Variants in FAM107B observed in about 807,000 individuals in gnomAD.
The protein encoded by FAM107B is family with sequence similarity 107 member B.
A neutral mutation model predicts 31.5 loss-of-function variants in FAM107B; 21 were observed. The ratio of observed to expected loss-of-function variants is 0.67; its 90% CI spans 0.47 to 0.96. FAM107B has a LOEUF of 0.96. FAM107B is among the 40% of genes least tolerant of loss of function. The pLI is 0.00. For missense variants in FAM107B, 452 were observed against 377.1 expected, an observed-to-expected ratio of 1.20 and a Z score of -1.64; for synonymous variants, 157 against 141.5, an observed-to-expected ratio of 1.11 and a Z score of -0.78.
chr10:14,679,541 C>G (rs72770535), intron 1 of FAM107B, among the ~76,000 whole-genome samples: 2 of 152,182 alleles, frequency 1.3e-5, no homozygotes, highest in Non-Finnish European at 2.9e-5. Flanking sequence ...GATAGCGGGA[C>G]TATCATCTGC....
intron 2 of FAM107B, among the ~76,000 whole-genome samples, chr10:14,651,791 T>C (rs190737533): frequency 2.2e-4 from 33 of 152,278 alleles, no homozygotes; most frequent in Admixed American, 1.5e-3. Context: ...GTAGGGTTTA[T>C]AAGAACAGGT....
At chr10:14,699,152 A>G (rs1323057454) in intron 1 of FAM107B, among the ~76,000 whole-genome samples, 1 of 152,194 alleles carries the variant, frequency 6.6e-6, no homozygotes. Context: ...GTTGTAGAGA[A>G]GGAAATTGTG....
intron 2 of FAM107B, among the ~76,000 whole-genome samples, chr10:14,538,236 A>G (rs1847838076): frequency 6.6e-6 from 1 of 152,256 alleles, no homozygotes; most frequent in South Asian, 2.1e-4. Flanking sequence ...TTTCATTAAA[A>G]TATATCAATA....
intron 2 of FAM107B, among the ~76,000 whole-genome samples, chr10:14,549,753 C>A (rs1383039688): frequency 6.6e-6 from 1 of 152,164 alleles, no homozygotes; most frequent in African/African-American, 2.4e-5. Context: ...TCACAGCACA[C>A]CCAAACCCAG....
intron 2 of FAM107B, among the ~76,000 whole-genome samples, chr10:14,627,773 T>C (rs1184966075): frequency 1.3e-5 from 2 of 151,828 alleles, no homozygotes; most frequent in Non-Finnish European, 2.9e-5. Flanking sequence ...ACCCTGTCTC[T>C]ATAAAAAGAA....
intron 1 of FAM107B, among the ~76,000 whole-genome samples, chr10:14,714,427 C>A (rs981079975): frequency 4.6e-5 from 7 of 152,134 alleles, no homozygotes; most frequent in Non-Finnish European, 8.8e-5. Context: ...GATGGTGCAC[C>A]GGAACTTGAA....
intron 2 of FAM107B, among the ~76,000 whole-genome samples, chr10:14,628,112 GTTTTTTTTTT>G (rs71505033): frequency 1.1e-5 from 1 of 92,676 alleles, no homozygotes; most frequent in Admixed American, 1.4e-4. Context: ...TGTTTTGCTG[GTTTTTTTTTT>G]TTTTTTTTTT....
intron 2 of FAM107B, among the ~76,000 whole-genome samples, chr10:14,623,983 C>T (rs1353710497): frequency 1.3e-5 from 2 of 152,176 alleles, no homozygotes; most frequent in Non-Finnish European, 2.9e-5. Context: ...TTTTAATGAA[C>T]ATGCCAACAT....
chr10:14,721,021 T>G (rs1375249326), intron 1 of FAM107B, among the ~76,000 whole-genome samples: 1 of 151,546 alleles, frequency 6.6e-6, no homozygotes, highest in African/African-American at 2.4e-5. Flanking sequence ...CAGGCGCCAG[T>G]GTGTGACGTT....
rs116707033 is a variant in FAM107B, at chr10:14,698,574, C to T, written c.412-30883G>A. ...AGCCATATAGCAGCCCCTTGAGAAACATGCTGTCACACTCATTTCATATGT... is the reference window on the plus strand; with the variant it reads ...AGCCATATAGCAGCCCCTTGAGAAATATGCTGTCACACTCATTTCATATGT... On this transcript the variant is annotated intron_variant, in intron 1 of 4. Coordinates refer to ENST00000181796, the MANE Select transcript of FAM107B (RefSeq NM_031453.4). 1.9e-3 allele frequency among the ~76,000 whole-genome samples: 291 copies of T among 152,326 alleles called. 1 individual carries two copies. The highest frequency in any genetic ancestry group is 6.4e-3 in the African/African-American group (265 of 41,578).
intron 2 of FAM107B, among the ~76,000 whole-genome samples, chr10:14,549,700 T>C (rs914988329): frequency 2.6e-5 from 4 of 152,154 alleles, no homozygotes; most frequent in Non-Finnish European, 4.4e-5. Flanking sequence ...CCCAGCTCCA[T>C]GAGACCGTTC....
At chr10:14,604,274 C>T (rs1852512571) in intron 2 of FAM107B, 3 of 979,620 alleles carry the variant, frequency 3.1e-6, no homozygotes, top group Non-Finnish European at 2.4e-6. Flanking sequence ...GGCTCCCTCC[C>T]AGCTCGCTCC....
At chr10:14,672,817 CT>C (rs1854592622) in intron 1 of FAM107B, among the ~76,000 whole-genome samples, 1 of 152,192 alleles carries the variant, frequency 6.6e-6, no homozygotes, top group Non-Finnish European at 1.5e-5. Flanking sequence ...AATAAAAAAA[CT>C]TAAAAACACG....
intron 2 of FAM107B, among the ~76,000 whole-genome samples, chr10:14,590,620 C>G (rs1018808113): frequency 7.9e-5 from 12 of 152,172 alleles, no homozygotes; most frequent in African/African-American, 2.9e-4. Flanking sequence ...TTCTTCCTAA[C>G]AGAAACAATT....
intron 2 of FAM107B, among the ~76,000 whole-genome samples, chr10:14,623,555 GTGGCTTACGCCC>G (rs1337349661): frequency 6.6e-6 from 1 of 152,240 alleles, no homozygotes; most frequent in Non-Finnish European, 1.5e-5. Flanking sequence ...GGTCAGCGTG[GTGGCTTACGCCC>G]GTAATCCCAG....
intron 2 of FAM107B, among the ~76,000 whole-genome samples, chr10:14,554,538 G>A (rs969402671): frequency 6.6e-6 from 1 of 152,216 alleles, no homozygotes; most frequent in Non-Finnish European, 1.5e-5. Context: ...GGTGTGAAAT[G>A]GACTGGACCA....
At chr10:14,652,273 C>T (rs151051668) in intron 2 of FAM107B, among the ~76,000 whole-genome samples, 1 of 152,266 alleles carries the variant, frequency 6.6e-6, no homozygotes, top group Non-Finnish European at 1.5e-5. Flanking sequence ...CTGACAGAAA[C>T]CAGGAGGGTT....
intron 2 of FAM107B, among the ~76,000 whole-genome samples, chr10:14,655,202 G>A (rs77594985): frequency 3.0e-3 from 456 of 152,268 alleles, no homozygotes; most frequent in African/African-American, 0.01. Context: ...TTGACACTAA[G>A]CCATTCATGA....
chr10:14,698,642 T>C (rs1371997290), intron 1 of FAM107B, among the ~76,000 whole-genome samples: 3 of 152,228 alleles, frequency 2.0e-5, no homozygotes, highest in Non-Finnish European at 4.4e-5. Context: ...ACCAAGGTCC[T>C]ACAGCTGTGA....
Sources: allele counts gnomAD v4.1 joint callset (sites outside exome capture counted in the v4.1 genomes callset), GRCh38; gene constraint gnomAD v4.1.1; transcripts MANE v1.5; gene names NCBI Gene and HGNC (gene_info 2026-07-23, HGNC 2026-07-21).